The following PTPRM variants were observed in gnomAD, a reference collection of about 807,000 sequenced individuals.
PTPRM encodes receptor-type tyrosine-protein phosphatase mu.
Under a neutral mutation model 186.7 loss-of-function variants are expected in PTPRM, and 47 were observed. The ratio of observed to expected loss-of-function variants is 0.25; its 90% CI spans 0.20 to 0.32. PTPRM has a LOEUF of 0.32. Ranked by LOEUF, PTPRM falls within the 10% of genes least tolerant of loss-of-function variation. The pLI, the probability that PTPRM is intolerant of heterozygous loss-of-function variation, is 1.00. For missense variants in PTPRM, 1,494 were observed against 1,865.0 expected (o/e 0.80, Z 3.66); for synonymous variants, 668 against 674.9 (o/e 0.99, Z 0.16).
chr18:8,036,598 G>A (rs2086345771), intron 7 of PTPRM, among the ~76,000 whole-genome samples: 1 of 152,178 alleles, frequency 6.6e-6, no homozygotes, highest in African/African-American at 2.4e-5. Context: ...TGGACAGAAT[G>A]TAATGTGTGG....
chr18:8,181,677 A>G (rs1461804847), intron 14 of PTPRM, among the ~76,000 whole-genome samples: 1 of 152,172 alleles, frequency 6.6e-6, no homozygotes, highest in African/African-American at 2.4e-5. Flanking sequence ...ATTTCCACCC[A>G]TGACTTCTCA....
At chr18:7,907,354 T>C (rs2050040821) in intron 4 of PTPRM, among the ~76,000 whole-genome samples, 1 of 152,154 alleles carries the variant, frequency 6.6e-6, no homozygotes, top group Non-Finnish European at 1.5e-5. Context: ...TGATAGAGAA[T>C]TGGAGGGCAG....
chr18:7,782,198 T>A (rs2042889958), intron 2 of PTPRM, among the ~76,000 whole-genome samples: 1 of 152,174 alleles, frequency 6.6e-6, no homozygotes, highest in African/African-American at 2.4e-5. Flanking sequence ...TAGCCTCTTT[T>A]CCATGTGCGT....
chr18:8,175,879 C>T (rs1212194380), intron 14 of PTPRM, among the ~76,000 whole-genome samples: 4 of 152,180 alleles, frequency 2.6e-5, no homozygotes. Flanking sequence ...AAATGTAAAG[C>T]AGATTTATTT....
At chr18:7,588,644 A>G (rs1473976968) in intron 1 of PTPRM, among the ~76,000 whole-genome samples, 2 of 152,170 alleles carry the variant, frequency 1.3e-5, no homozygotes, top group East Asian at 3.8e-4. Flanking sequence ...TGTGATCATA[A>G]ATGCTCACAA....
intron 8 of PTPRM, among the ~76,000 whole-genome samples, chr18:8,076,208 T>C (rs558350650): frequency 1.6e-3 from 242 of 152,246 alleles, no homozygotes; most frequent in African/African-American, 5.4e-3. Context: ...AAACGTTTAT[T>C]TAATAGATGG....
intron 1 of PTPRM, among the ~76,000 whole-genome samples, chr18:7,694,522 G>A (rs1026249922): frequency 1.3e-5 from 2 of 151,684 alleles, no homozygotes; most frequent in Non-Finnish European, 2.9e-5. Flanking sequence ...TGCCACCCGG[G>A]TTCAAGTGAT....
intron 19 of PTPRM, among the ~76,000 whole-genome samples, chr18:8,259,359 A>C (rs1241842662): frequency 6.6e-6 from 1 of 152,152 alleles, no homozygotes; most frequent in Non-Finnish European, 1.5e-5. Flanking sequence ...GGGGAATTGA[A>C]AACATTATGC....
rs542668925 is a variant in PTPRM at position 7,846,778 on chromosome 18, C to T, written c.197-41328C>T. ...ACTGTTTTGCCTACCTGCTTGTCTT[C>T]GGAGCTCTGCTCAGCTATTCTGAGT... On this transcript the variant is annotated intron_variant, in intron 2 of 32. Coordinates refer to ENST00000580170, the MANE Select transcript of PTPRM (RefSeq NM_001105244.2). Among the ~76,000 whole-genome samples the T allele has an allele frequency of 8.5e-5, 13 of 152,292 alleles. No individual in the cohort carries two copies. The South Asian group carries it at 2.1e-3, about 24-fold the overall frequency.
At chr18:8,391,082 T>C (rs2095809405) in intron 31 of PTPRM, among the ~76,000 whole-genome samples, 1 of 152,134 alleles carries the variant, frequency 6.6e-6, no homozygotes, top group Non-Finnish European at 1.5e-5. Flanking sequence ...CCAGAATGGC[T>C]GAAATTTTAA....
chr18:8,187,958 G>T (rs73391916), intron 14 of PTPRM, among the ~76,000 whole-genome samples: 2 of 152,094 alleles, frequency 1.3e-5, no homozygotes, highest in African/African-American at 4.8e-5. Flanking sequence ...ATTAAACATC[G>T]TATTTTTTTC....
chr18:7,792,988 C>T (rs1480792680), intron 2 of PTPRM, among the ~76,000 whole-genome samples: 1 of 152,120 alleles, frequency 6.6e-6, no homozygotes, highest in Non-Finnish European at 1.5e-5. Context: ...TACCAAGTTA[C>T]CTACATAGAT....
intron 19 of PTPRM, among the ~76,000 whole-genome samples, chr18:8,275,631 G>A (rs1020121480): frequency 8.5e-5 from 13 of 152,144 alleles, no homozygotes; most frequent in Admixed American, 2.6e-4. Context: ...AGGAAACTGC[G>A]GTTTGCTTTT....
chr18:8,355,133 G>A (rs1191753542), intron 23 of PTPRM, among the ~76,000 whole-genome samples: 3 of 152,178 alleles, frequency 2.0e-5, no homozygotes, highest in Non-Finnish European at 4.4e-5. Context: ...AGCCAGGGAT[G>A]CTAAGACAAA....
At chr18:7,913,553 CAA>C (rs2050393415) in intron 4 of PTPRM, among the ~76,000 whole-genome samples, 3 of 152,096 alleles carry the variant, frequency 2.0e-5, no homozygotes, top group Admixed American at 1.3e-4. Flanking sequence ...TGGGTTTTAG[CAA>C]ATCCTTTTTC....
At chr18:8,162,210 C>T (rs2093244618) in intron 14 of PTPRM, among the ~76,000 whole-genome samples, 1 of 151,964 alleles carries the variant, frequency 6.6e-6, no homozygotes, top group African/African-American at 2.4e-5. Flanking sequence ...AGCAATTCTC[C>T]TGCCTCAGCC....
At chr18:8,146,421 T>G (rs1280191640) in intron 14 of PTPRM, among the ~76,000 whole-genome samples, 1 of 152,338 alleles carries the variant, frequency 6.6e-6, no homozygotes, top group East Asian at 1.9e-4. Context: ...TAAGCATTTT[T>G]TTATATGTTG....
At chr18:8,281,131 A>G (rs2094898861) in intron 19 of PTPRM, among the ~76,000 whole-genome samples, 2 of 152,240 alleles carry the variant, frequency 1.3e-5, no homozygotes. Flanking sequence ...CATATCCCAC[A>G]GCAACTGGAA....
intron 1 of PTPRM, among the ~76,000 whole-genome samples, chr18:7,754,419 C>A (rs2041368647): frequency 6.6e-6 from 1 of 152,178 alleles, no homozygotes; most frequent in Admixed American, 6.5e-5. Context: ...AAGAAAATAG[C>A]TGAACAGTGA....
Sources: gnomAD v4.1 joint callset for allele counts (sites outside exome capture counted in the v4.1 genomes callset) on GRCh38, gnomAD v4.1.1 for gene constraint, MANE v1.5 for transcripts, NCBI Gene and HGNC (gene_info 2026-07-23, HGNC 2026-07-21) for gene names.